INO80C: variants seen among roughly 807,000 people sequenced by gnomAD.
The protein encoded by INO80C is INO80 complex subunit C.
INO80C carries 17 observed loss-of-function variants against 17.7 expected under a neutral mutation model. The ratio of observed to expected loss-of-function variants is 0.96; its 90% CI spans 0.66 to 1.44. The LOEUF is 1.44. INO80C is among the 40% of genes most tolerant of loss of function. The pLI, the probability that INO80C is intolerant of heterozygous loss-of-function variation, is 0.00. For missense variants in INO80C, 244 were observed against 245.0 expected, an observed-to-expected ratio of 1.00 and a Z score of 0.03; for synonymous variants, 96 against 95.8, an observed-to-expected ratio of 1.00 and a Z score of -0.01.
chr18:35,494,629 C>T (rs2045962383), intron 1 of INO80C, among the ~76,000 whole-genome samples: 1 of 152,180 alleles, frequency 6.6e-6, no homozygotes, highest in Non-Finnish European at 1.5e-5. Context: ...AGAATTCTGC[C>T]AACAACCTGA....
rs202017230 is a variant in INO80C, at chr18:35,487,516, TGA to T, written c.157-6955_157-6954del. The T allele has an allele frequency of 4.4e-3, 944 of 213,484 alleles. 7 individuals carry two copies. The highest frequency in any genetic ancestry group is 0.022 in the African/African-American group (907 of 42,136). The allele number at this position is 213,484 out of a possible 1,614,324, so 13.2% of individuals were successfully genotyped here. On this transcript the variant is annotated intron_variant, in intron 1 of 4. Transcript: ENST00000334598. ...CCCCTTATAAAACCATCAGATTTCC[TGA>T]GAGTTATTCACTACCATGAGAACAG...
chr18:35,478,981 G>T, intron 3 of INO80C: 1 of 229,232 alleles, frequency 4.4e-6, no homozygotes, highest in Non-Finnish European at 8.5e-6. Flanking sequence ...ATTATACTTG[G>T]GCTACCTTGT....
chr18:35,470,477 G>A (rs2045657168), intron 4 of INO80C, among the ~76,000 whole-genome samples: 1 of 152,190 alleles, frequency 6.6e-6, no homozygotes, highest in African/African-American at 2.4e-5. Context: ...GAGGGATCCT[G>A]GCAGTGAGGG....
In INO80C at chr18:35,468,626, C is replaced by T. The variant is rs762399595; in HGVS notation, c.564G>A (p.Thr188=). ...VTGYLALRKA[T]SIVP is the part of the protein sequence containing the mutation. ...TTTCTGGGGCTCAGGGAACGATGCT[C>T]GTGGCCTTCCTCAGGGCCAGGTAGC... Residue 188 remains threonine (T), a synonymous_variant, in exon 5 of 5, where the codon ACG becomes ACA. Coordinates refer to ENST00000334598, the MANE Select transcript of INO80C (RefSeq NM_194281.4). 10 of 1,614,032 alleles carry T rather than the reference C, an allele frequency of 6.2e-6. No homozygotes were observed. The highest frequency in any genetic ancestry group is 2.2e-5 in the East Asian group (1 of 44,878).
intron 1 of INO80C, among the ~76,000 whole-genome samples, chr18:35,492,264 C>T (rs191735630): frequency 3.9e-4 from 60 of 152,264 alleles, no homozygotes; most frequent in African/African-American, 1.3e-3. Context: ...CAAAATGCAA[C>T]CTCAATATCC....
Position 35,477,199 on chromosome 18 carries a change from G to A in INO80C, c.447+1083C>T, listed in dbSNP as rs181817734. Among the ~76,000 whole-genome samples, 867 of 152,252 alleles carry A rather than the reference G, an allele frequency of 5.7e-3. 6 individuals are homozygous for A. Among genetic ancestry groups the A allele is most frequent in the Middle Eastern group, 0.034 (10 of 294 alleles). On this transcript the variant is annotated intron_variant, in intron 4 of 4. Transcript: ENST00000334598. Reference sequence around the variant, plus strand: ...GTAGAGGCTGGAGTGAGCCAAGAGCGTGCCACTGCACTCCAGCCTGGGCAA... The same window carrying A: ...GTAGAGGCTGGAGTGAGCCAAGAGCATGCCACTGCACTCCAGCCTGGGCAA...
intron 1 of INO80C, among the ~76,000 whole-genome samples, chr18:35,486,111 G>A (rs141674573): frequency 3.2e-4 from 49 of 152,188 alleles, no homozygotes; most frequent in African/African-American, 1.1e-3. Context: ...GTGAGCCCCT[G>A]TCTCTAAAAG....
intron 1 of INO80C, among the ~76,000 whole-genome samples, chr18:35,490,660 A>G (rs2045924856): frequency 6.6e-6 from 1 of 152,174 alleles, no homozygotes; most frequent in African/African-American, 2.4e-5. Context: ...AGAACCATCC[A>G]CATACCTGCC....
Position 35,497,750 on chromosome 18 carries a change from T to C in INO80C, c.125A>G (p.Lys42Arg). The stretch of plus-strand genomic sequence containing the variant: ...AAAGCTGGAAGCGGACGCTTTTTTC[T>C]TCTTACTGGCGCCATAGCCCCCGCC... ...SSGGGYGASK[K>R]KKASASSFAQ... The change falls in exon 1 of 5, where the codon AAG becomes AGG. Residue 42 changes from lysine to arginine, a missense_variant. Physicochemically the swap from Lys to Arg is conservative, Grantham distance 26. Coordinates refer to ENST00000334598, the MANE Select transcript of INO80C (RefSeq NM_194281.4). 6.2e-7 allele frequency: 1 copy of C among 1,613,018 alleles called. No homozygotes were observed. Among genetic ancestry groups the C allele is most frequent in the Non-Finnish European group, 8.5e-7 (1 of 1,179,550 alleles).
rs377081446 is a variant in INO80C, at chr18:35,497,518, C to T, written c.156+201G>A. Reference sequence around the variant, plus strand: ...ATAACCTCCCTACTTCTTCTTCTCTCCTTACAACACAAGGCGTTGTAAGCC... The same window carrying T: ...ATAACCTCCCTACTTCTTCTTCTCTTCTTACAACACAAGGCGTTGTAAGCC... On this transcript the variant is annotated intron_variant, in intron 1 of 4. Transcript: ENST00000334598. The T allele has an allele frequency of 2.9e-6, 4 of 1,383,976 alleles. No homozygotes were observed. In the African/African-American group the frequency reaches 4.5e-5, roughly 16 times the overall value. 85.7% of individuals were successfully genotyped at this position (1,383,976 alleles called of 1,614,324 possible).
At position 35,497,896 on chromosome 18, in the gene INO80C, G is replaced by A. The variant is rs750745628; in HGVS notation, c.-22C>T. 1 of 1,522,216 alleles carries A rather than the reference G, an allele frequency of 6.6e-7. No individual in the cohort carries two copies. Among genetic ancestry groups the A allele is most frequent in the Non-Finnish European group, 8.8e-7 (1 of 1,133,164 alleles). 94.3% of individuals were successfully genotyped at this position (1,522,216 alleles called of 1,614,324 possible). On this transcript the variant is annotated 5_prime_UTR_variant, in exon 1 of 5. Transcript: ENST00000334598. ...CCATCGCACTCCGAGTCTTCCCCTG[G>A]TCCCCCCACCTTTTTCCCAGCGCGG...
At chr18:35,468,869 A>G in intron 4 of INO80C, 127 bp from the exon 5 acceptor site, 1 of 801,542 alleles carries the variant, frequency 1.2e-6, no homozygotes, top group Non-Finnish European at 2.0e-6. Flanking sequence ...TTACTCTGCC[A>G]CCAAGAACAC....
chr18:35,468,967 C>T (rs775208660), intron 4 of INO80C, among the ~76,000 whole-genome samples: 19 of 152,134 alleles, frequency 1.2e-4, no homozygotes, highest in Non-Finnish European at 5.9e-5. Flanking sequence ...GGAATGACCA[C>T]ATCAGACTCT....
chr18:35,469,111 C>A (rs1402802248), intron 4 of INO80C, among the ~76,000 whole-genome samples: 1 of 152,170 alleles, frequency 6.6e-6, no homozygotes, highest in East Asian at 1.9e-4. Context: ...AAGGCAGGAG[C>A]CGACGCCCAG....
In INO80C at chr18:35,475,820, G is replaced by C. The variant is rs143108359; in HGVS notation, c.447+2462C>G. On this transcript the variant is annotated intron_variant, in intron 4 of 4. Transcript: ENST00000334598. ...GACATCAGATTGCAACTTGGAAATA[G>C]ACAACAAAATGAAAAAAGGTGGAAA... Among the ~76,000 whole-genome samples the C allele has an allele frequency of 2.7e-3, 413 of 152,208 alleles. 2 individuals are homozygous for C. The highest frequency in any genetic ancestry group is 9.3e-3 in the African/African-American group (385 of 41,538).
intron 1 of INO80C, 68 bp downstream of exon 1, chr18:35,497,651 G>A: frequency 3.9e-6 from 6 of 1,547,174 alleles, no homozygotes; most frequent in Non-Finnish European, 4.4e-6. Context: ...ACGCGCCCTG[G>A]CTCGGCTCCG....
At chr18:35,485,817 G>T (rs2045867572) in intron 1 of INO80C, among the ~76,000 whole-genome samples, 1 of 152,322 alleles carries the variant, frequency 6.6e-6, no homozygotes, top group East Asian at 1.9e-4. Context: ...ATGTCCATCA[G>T]CTGATGAAGA....
At chr18:35,476,471 T>C (rs922325353) in intron 4 of INO80C, among the ~76,000 whole-genome samples, 1 of 152,230 alleles carries the variant, frequency 6.6e-6, no homozygotes, top group African/African-American at 2.4e-5. Context: ...GTTTGGGTTA[T>C]ATGGGCACTT....
chr18:35,493,455 T>G (rs2045951238), intron 1 of INO80C, among the ~76,000 whole-genome samples: 1 of 152,226 alleles, frequency 6.6e-6, no homozygotes, highest in Non-Finnish European at 1.5e-5. Flanking sequence ...GCATGAACAT[T>G]AGTAGTAATT....
Sources: gnomAD v4.1 joint callset for allele counts (sites outside exome capture counted in the v4.1 genomes callset) on GRCh38, gnomAD v4.1.1 for gene constraint, MANE v1.5 for transcripts, NCBI Gene and HGNC (gene_info 2026-07-23, HGNC 2026-07-21) for gene names.